Variants in LRRTM4 observed in about 807,000 individuals in gnomAD.
LRRTM4 encodes leucine-rich repeat transmembrane neuronal protein 4.
A neutral mutation model predicts 47.6 loss-of-function variants in LRRTM4; 25 were observed. The observed-to-expected ratio is 0.53, with a 90% CI of 0.38 to 0.73. The LOEUF (loss-of-function observed/expected upper bound fraction) is 0.73, where lower values mean the gene tolerates loss of function less well. LRRTM4 is among the 30% of genes least tolerant of loss of function. The probability of loss-of-function intolerance (pLI) is 0.00; values close to 1 mark genes in which losing one functional copy is unlikely to be tolerated. For missense variants in LRRTM4, 638 were observed against 713.4 expected, an observed-to-expected ratio of 0.89 and a Z score of 1.20; for synonymous variants, 311 against 269.5, an observed-to-expected ratio of 1.15 and a Z score of -1.51.
chr2:77,134,846 A>C (rs1671891270), intron 3 of LRRTM4, among the ~76,000 whole-genome samples: 1 of 152,190 alleles, frequency 6.6e-6, no homozygotes, highest in Non-Finnish European at 1.5e-5. Flanking sequence ...AAAGACATAA[A>C]TAAATCTTTT....
intron 3 of LRRTM4, among the ~76,000 whole-genome samples, chr2:76,793,271 G>C (rs138780046): frequency 3.3e-5 from 5 of 152,236 alleles, no homozygotes; most frequent in African/African-American, 1.2e-4. Flanking sequence ...GTATCAGAGT[G>C]TTTAGATACC....
chr2:77,337,167 G>A (rs1170131115), intron 3 of LRRTM4, among the ~76,000 whole-genome samples: 1 of 152,040 alleles, frequency 6.6e-6, no homozygotes, highest in Non-Finnish European at 1.5e-5. Context: ...TAACCAAGGA[G>A]GTGAAAGTTA....
intron 3 of LRRTM4, among the ~76,000 whole-genome samples, chr2:77,321,354 A>C (rs2104226482): frequency 6.6e-6 from 1 of 152,164 alleles, no homozygotes; most frequent in African/African-American, 2.4e-5. Context: ...TTTATTAGAA[A>C]CCTTGGTATA....
intron 3 of LRRTM4, among the ~76,000 whole-genome samples, chr2:76,861,719 TG>T (rs1222975127): frequency 6.6e-6 from 1 of 152,186 alleles, no homozygotes; most frequent in Non-Finnish European, 1.5e-5. Context: ...ATAATCCAGA[TG>T]TATCAGTAAG....
intron 3 of LRRTM4, among the ~76,000 whole-genome samples, chr2:77,250,135 G>GA (rs1215160544): frequency 6.6e-6 from 1 of 151,872 alleles, no homozygotes. Flanking sequence ...TGGAGATAGT[G>GA]AAAAAAAATC....
chr2:77,013,536 C>A (rs980395986), intron 3 of LRRTM4, among the ~76,000 whole-genome samples: 1 of 151,120 alleles, frequency 6.6e-6, no homozygotes, highest in African/African-American at 2.4e-5. Flanking sequence ...GTGAGTAGTA[C>A]TATCTGTATC....
At chr2:76,766,151 T>C (rs72917784) in intron 3 of LRRTM4, among the ~76,000 whole-genome samples, 2,273 of 152,306 alleles carry the variant, frequency 0.015, 61 homozygotes, top group African/African-American at 0.051. Context: ...TATCCTTTCT[T>C]GAACATCTTC....
chr2:76,975,699 A>T (rs921519769), intron 3 of LRRTM4, among the ~76,000 whole-genome samples: 1 of 151,750 alleles, frequency 6.6e-6, no homozygotes, highest in Non-Finnish European at 1.5e-5. Context: ...GAGACAAAAA[A>T]TATTTACTAT....
At chr2:76,893,317 C>T (rs950108995) in intron 3 of LRRTM4, among the ~76,000 whole-genome samples, 1 of 151,440 alleles carries the variant, frequency 6.6e-6, no homozygotes, top group African/African-American at 2.4e-5. Flanking sequence ...GGCAACTTTC[C>T]AAGAAAGGGG....
Position 76,873,521 on chromosome 2 carries a change from T to C in LRRTM4, c.1552-124605A>G, listed in dbSNP as rs1229429831. The stretch of plus-strand genomic sequence containing the variant: ...ATATATGTGTGTATATATATATATA[T>C]ATATATATATATACAACATAGTTGT... On this transcript the variant is annotated intron_variant, in intron 3 of 3. Coordinates refer to ENST00000409884, the MANE Select transcript of LRRTM4 (RefSeq NM_001134745.3). Among the ~76,000 whole-genome samples, 4 of 144,076 alleles carry C rather than the reference T, an allele frequency of 2.8e-5. No individual in the cohort carries two copies. In the South Asian group the frequency reaches 6.4e-4, roughly 23 times the overall value. The allele number at this position is 144,076 out of a possible 152,430, so 94.5% of individuals were successfully genotyped here.
At chr2:76,973,786 G>C (rs940770678) in intron 3 of LRRTM4, among the ~76,000 whole-genome samples, 5 of 151,844 alleles carry the variant, frequency 3.3e-5, no homozygotes, top group African/African-American at 1.2e-4. Flanking sequence ...AATAACCAAA[G>C]TAGTGCACAC....
chr2:76,958,428 C>T (rs148184866), intron 3 of LRRTM4, among the ~76,000 whole-genome samples: 121 of 151,926 alleles, frequency 8.0e-4, no homozygotes, highest in Admixed American at 2.0e-3. Flanking sequence ...CCCACCCCTA[C>T]GCAGAGGAGA....
chr2:76,799,410 G>A (rs1451997436), intron 3 of LRRTM4, among the ~76,000 whole-genome samples: 2 of 123,528 alleles, frequency 1.6e-5, no homozygotes, highest in African/African-American at 6.9e-5. Flanking sequence ...AACCCTTCAT[G>A]CTAAAAACTC....
intron 3 of LRRTM4, among the ~76,000 whole-genome samples, chr2:77,136,223 C>A (rs1383961073): frequency 6.6e-6 from 1 of 152,144 alleles, no homozygotes; most frequent in East Asian, 1.9e-4. Context: ...TGGGAGGCAC[C>A]CTCCAGTAGG....
intron 3 of LRRTM4, among the ~76,000 whole-genome samples, chr2:77,132,698 A>C (rs1055540489): frequency 1.8e-4 from 27 of 152,178 alleles, no homozygotes; most frequent in African/African-American, 6.5e-4. Context: ...GTGTTTTACA[A>C]AGAGCTTAAA....
intron 3 of LRRTM4, among the ~76,000 whole-genome samples, chr2:77,499,292 C>T (rs1392502004): frequency 1.3e-5 from 2 of 151,876 alleles, no homozygotes; most frequent in East Asian, 3.9e-4. Flanking sequence ...TAGATGCTTT[C>T]CTAGTTCAGG....
At chr2:76,924,836 C>T (rs979825147) in intron 3 of LRRTM4, among the ~76,000 whole-genome samples, 7 of 151,960 alleles carry the variant, frequency 4.6e-5, no homozygotes, top group Non-Finnish European at 1.0e-4. Flanking sequence ...TTGTAAACCC[C>T]ATGGATTCAT....
intron 3 of LRRTM4, among the ~76,000 whole-genome samples, chr2:77,140,424 G>A (rs532817354): frequency 2.6e-5 from 4 of 152,288 alleles, no homozygotes; most frequent in African/African-American, 7.2e-5. Context: ...CTAGCCATAT[G>A]TAGAAAGCTG....
chr2:77,444,481 A>G (rs1282046939), intron 3 of LRRTM4, among the ~76,000 whole-genome samples: 5 of 152,124 alleles, frequency 3.3e-5, no homozygotes, highest in Admixed American at 6.6e-5. Flanking sequence ...GGCTGACTCA[A>G]TTGATTATTT....
Sources: gnomAD v4.1 joint callset for allele counts (sites outside exome capture counted in the v4.1 genomes callset) on GRCh38, gnomAD v4.1.1 for gene constraint, MANE v1.5 for transcripts, NCBI Gene and HGNC (gene_info 2026-07-23, HGNC 2026-07-21) for gene names.